Variants in NKAIN1 observed in about 807,000 individuals in gnomAD.
NKAIN1 encodes the protein sodium/potassium-transporting ATPase subunit beta-1-interacting protein 1.
Under a neutral mutation model 31.6 loss-of-function variants are expected in NKAIN1, and 13 were observed. That is an observed-to-expected ratio of 0.41 (90% CI 0.27 to 0.65). The LOEUF is 0.65. Ranked by LOEUF, NKAIN1 falls within the 30% of genes least tolerant of loss-of-function variation. NKAIN1 has a pLI of 0.30. For missense variants in NKAIN1, 193 were observed against 262.2 expected, an observed-to-expected ratio of 0.74 and a Z score of 1.82; for synonymous variants, 104 against 109.0, an observed-to-expected ratio of 0.95 and a Z score of 0.28.
chr1:31,210,280 T>G (rs1019328527), intron 1 of NKAIN1, among the ~76,000 whole-genome samples: 1 of 137,926 alleles, frequency 7.3e-6, no homozygotes, highest in Non-Finnish European at 1.5e-5. Flanking sequence ...GTAATTGTGG[T>G]TTTTGCCATT....
In NKAIN1 at chr1:31,188,131, G is replaced by A. The variant is rs1192359163; in HGVS notation, c.111C>T (p.Ile37=). 1.9e-6 allele frequency: 3 copies of A among 1,552,064 alleles called. No homozygotes were observed. In the African/African-American group the frequency reaches 4.1e-5, roughly 21 times the overall value. The change falls in exon 2 of 7, where the codon ATC becomes ATT. Residue 37 remains isoleucine, a synonymous_variant. Transcript: ENST00000373736. ...CCATGATGTGCAGGAAGTTGGCTAG[G>A]ATGGGAGCCCACTGGTAGCCCAGGA... The part of the protein sequence containing the change: ...FDFLGYQWAP[I]LANFLHIMAV...
chr1:31,206,237 A>AAAATAAATAAATAAATAAATTAAT (rs370910970), intron 1 of NKAIN1, among the ~76,000 whole-genome samples: 1 of 130,812 alleles, frequency 7.6e-6, no homozygotes, highest in Non-Finnish European at 1.6e-5. Context: ...CTCCATCTCA[A>AAAATAAATAAATAAATAAATTAAT]AAATAAATAA....
chr1:31,232,424 TAG>T lies in NKAIN1; in HGVS notation c.54+7068_54+7069del, dbSNP rs34605060. On this transcript the variant is annotated intron_variant, in intron 1 of 6. Coordinates refer to ENST00000373736, the MANE Select transcript of NKAIN1 (RefSeq NM_024522.3). ...ATATATATATATATATATATATATA[TAG>T]AGAGAGAGAGAGAGAGAGAGAGAGA... is the stretch of plus-strand genomic sequence containing the variant. Among the ~76,000 whole-genome samples the T allele has an allele frequency of 4.0e-3, 68 of 16,896 alleles. 2 individuals carry two copies. Among genetic ancestry groups the T allele is most frequent in the African/African-American group, 4.8e-3 (28 of 5,800 alleles). The allele number at this position is 16,896 out of a possible 152,430, so 11.1% of individuals were successfully genotyped here.
chr1:31,236,281 T>C (rs1045041193), intron 1 of NKAIN1, among the ~76,000 whole-genome samples: 1 of 152,160 alleles, frequency 6.6e-6, no homozygotes. Context: ...TTAAACCCCA[T>C]GGCACCCTCA....
Position 31,181,522 on chromosome 1 carries a change from C to G in NKAIN1, c.*181G>C. On this transcript the variant is annotated 3_prime_UTR_variant, in exon 7 of 7. Coordinates refer to ENST00000373736, the MANE Select transcript of NKAIN1 (RefSeq NM_024522.3). ...AGTCCGGGCTGCGAAGAGCCAAGCTCAAATCCAAGTCCAAGTCCAAGTCCA... is the reference window on the plus strand; with the variant it reads ...AGTCCGGGCTGCGAAGAGCCAAGCTGAAATCCAAGTCCAAGTCCAAGTCCA... The G allele has an allele frequency of 1.9e-6, 1 of 522,242 alleles. No individual in the cohort carries two copies. Among genetic ancestry groups the G allele is most frequent in the Non-Finnish European group, 3.1e-6 (1 of 323,536 alleles). The allele number at this position is 522,242 out of a possible 1,614,324, so 32.4% of individuals were successfully genotyped here. A position where few individuals can be genotyped will look rare whatever the true frequency, so the allele number is the denominator to read the frequency against.
chr1:31,212,318 C>G (rs1334034949), intron 1 of NKAIN1, among the ~76,000 whole-genome samples: 1 of 152,060 alleles, frequency 6.6e-6, no homozygotes, highest in African/African-American at 2.4e-5. Context: ...GGGTCAAAAA[C>G]CTAAATGTAA....
At chr1:31,186,527 G>T (rs991279878) in intron 2 of NKAIN1, among the ~76,000 whole-genome samples, 1 of 151,258 alleles carries the variant, frequency 6.6e-6, no homozygotes, top group Non-Finnish European at 1.5e-5. Context: ...GTATGTGTGT[G>T]ACATCTTCTC....
intron 1 of NKAIN1, among the ~76,000 whole-genome samples, chr1:31,201,813 C>T (rs972489552): frequency 9.2e-5 from 14 of 152,196 alleles, no homozygotes; most frequent in African/African-American, 2.7e-4. Context: ...GAGATTTGGC[C>T]GCCCAGCCTG....
rs1248401013 is a variant in NKAIN1 at position 31,181,705 on chromosome 1, A to AC, written c.621dup (p.Ter208ValfsTer15). ...CCGGGGTGGGCGCGGGGCAGAGGCT[A>AC]CCCCGACCTGCGGGAAACAAAGGCA... On this transcript the variant is annotated frameshift_variant, in exon 7 of 7. Transcript: ENST00000373736. LOFTEE classifies it high-confidence loss of function. 1 of 1,483,704 alleles carries AC rather than the reference A, an allele frequency of 6.7e-7. No homozygotes were observed. Among genetic ancestry groups the AC allele is most frequent in the African/African-American group, 1.4e-5 (1 of 71,306 alleles). 91.9% of individuals were successfully genotyped at this position (1,483,704 alleles called of 1,614,324 possible).
intron 1 of NKAIN1, among the ~76,000 whole-genome samples, chr1:31,189,144 G>A (rs1036943906): frequency 7.2e-5 from 11 of 151,866 alleles, no homozygotes; most frequent in Admixed American, 2.6e-4. Flanking sequence ...GGAGGAGAGC[G>A]AAGGCACCCC....
chr1:31,213,402 G>A (rs1645485807), intron 1 of NKAIN1, among the ~76,000 whole-genome samples: 1 of 149,148 alleles, frequency 6.7e-6, no homozygotes, highest in South Asian at 2.2e-4. Flanking sequence ...CCACTAGGGT[G>A]GCTCTAATAA....
chr1:31,188,064 G>A lies in NKAIN1; in HGVS notation c.178C>T (p.Arg60Trp), dbSNP rs765997023. ...GIFGTVQYRS[R>W]YLILYAAWLV... is the part of the protein sequence containing the mutation. ...GTGAGCCGTACCAGGATGAGGTACC[G>A]GGAGCGGTACTGCACGGTGCCAAAG... Residue 60 changes from arginine to tryptophan, a missense_variant, in exon 2 of 7, where the codon CGG becomes TGG. Transcript: ENST00000373736. 1.2e-4 allele frequency: 192 copies of A among 1,553,534 alleles called. 1 individual carries two copies. Among genetic ancestry groups the A allele is most frequent in the Non-Finnish European group, 1.6e-4 (184 of 1,148,198 alleles).
chr1:31,227,214 C>T (rs563715966), intron 1 of NKAIN1, among the ~76,000 whole-genome samples: 16 of 152,318 alleles, frequency 1.1e-4, no homozygotes, highest in South Asian at 2.1e-4. Flanking sequence ...TGTGCTCTGC[C>T]GCTGCCTCGT....
At position 31,181,917 on chromosome 1, in the gene NKAIN1, G is replaced by C. The variant is rs1211725912; in HGVS notation, c.557C>G (p.Ser186Cys). 18 of 1,607,052 alleles carry C rather than the reference G, an allele frequency of 1.1e-5. No individual in the cohort carries two copies. The highest frequency in any genetic ancestry group is 1.5e-5 in the Non-Finnish European group (18 of 1,177,614). ...DSFDFIGGFD[S>C]YGYQAPQKTS... ...CTTCTGGGGCGCCTGGTATCCGTAG[G>C]AGTCAAAGCCGCCGATGAAGTCAAC... is the stretch of plus-strand genomic sequence containing the variant. Residue 186 changes from serine (S) to cysteine (C), a missense_variant, in exon 6 of 7, where the codon TCC becomes TGC. Coordinates refer to ENST00000373736, the MANE Select transcript of NKAIN1 (RefSeq NM_024522.3).
chr1:31,217,034 T>C (rs1309569314), intron 1 of NKAIN1, among the ~76,000 whole-genome samples: 1 of 152,094 alleles, frequency 6.6e-6, no homozygotes, highest in East Asian at 1.9e-4. Context: ...CCCAGGTAAT[T>C]TTTGTATTTT....
At chr1:31,216,319 G>A (rs566054563) in intron 1 of NKAIN1, among the ~76,000 whole-genome samples, 9 of 152,216 alleles carry the variant, frequency 5.9e-5, no homozygotes, top group African/African-American at 1.2e-4. Context: ...TATGCCGAGC[G>A]CTGCTCTTCA....
chr1:31,225,033 C>CTTTTCTTTTTTTTTTTTTTTTTTTTTTT lies in NKAIN1; in HGVS notation c.54+14460_54+14461insAAAAAAAAAAAAAAAAAAAAAAAGAAAA, dbSNP rs542671307. On this transcript the variant is annotated intron_variant, in intron 1 of 6. Transcript: ENST00000373736. Reference sequence around the variant, plus strand: ...AGCCCATTTCTTTTTCTTTTCTTTTCTTTTTTTTTTTTTGAGACGGACTCT... The same window carrying CTTTTCTTTTTTTTTTTTTTTTTTTTTTT: ...AGCCCATTTCTTTTTCTTTTCTTTTCTTTTCTTTTTTTTTTTTTTTTTTTTTTTTTTTTTTTTTTTTGAGACGGACTCT... Among the ~76,000 whole-genome samples the CTTTTCTTTTTTTTTTTTTTTTTTTTTTT allele has an allele frequency of 3.1e-4, 35 of 112,122 alleles. 1 individual carries two copies. The highest frequency in any genetic ancestry group is 1.6e-3 in the East Asian group (6 of 3,674). The allele number at this position is 112,122 out of a possible 152,430, so 73.6% of individuals were successfully genotyped here.
chr1:31,200,025 G>A (rs199858507), intron 1 of NKAIN1, among the ~76,000 whole-genome samples: 1,088 of 49,412 alleles, frequency 0.022, 11 homozygotes, highest in African/African-American at 0.031. Flanking sequence ...ACACACACAC[G>A]CACACACACA....
chr1:31,232,459 A>AGG (rs1645661150), intron 1 of NKAIN1, among the ~76,000 whole-genome samples: 1 of 126,690 alleles, frequency 7.9e-6, no homozygotes, highest in Non-Finnish European at 1.7e-5. Context: ...AGAGAGAGAG[A>AGG]GAGAGAGAGA....
Sources: allele counts gnomAD v4.1 joint callset (sites outside exome capture counted in the v4.1 genomes callset), GRCh38; gene constraint gnomAD v4.1.1; transcripts MANE v1.5; gene names NCBI Gene and HGNC (gene_info 2026-07-23, HGNC 2026-07-21).